Variants in MTUS2 observed in about 807,000 individuals in gnomAD.
The protein encoded by MTUS2 is microtubule associated scaffold protein 2, also known as microtubule-associated tumor suppressor candidate 2.
In MTUS2, 40 loss-of-function variants were observed where a neutral mutation model predicts 114.1. The observed-to-expected ratio is 0.35, with a 90% CI of 0.27 to 0.46. MTUS2 has a LOEUF of 0.46. Among genes scored for constraint, MTUS2 ranks in the 20% least tolerant of loss-of-function variants. The pLI, the probability that MTUS2 is intolerant of heterozygous loss-of-function variation, is 1.00. For missense variants in MTUS2, 1,679 were observed against 1,705.4 expected, an observed-to-expected ratio of 0.98 and a Z score of 0.27; for synonymous variants, 688 against 672.0, an observed-to-expected ratio of 1.02 and a Z score of -0.37.
chr13:29,039,007 G>T (rs1336431952), intron 4 of MTUS2, among the ~76,000 whole-genome samples: 2 of 152,220 alleles, frequency 1.3e-5, no homozygotes, highest in Non-Finnish European at 2.9e-5. Flanking sequence ...AGGAGTGGTG[G>T]GCTGTTGGGA....
intron 5 of MTUS2, among the ~76,000 whole-genome samples, chr13:29,277,995 G>A (rs777438083): frequency 2.6e-5 from 4 of 152,076 alleles, no homozygotes; most frequent in South Asian, 4.2e-4. Context: ...GTTGTTTATG[G>A]GTCTGCCCCA....
At chr13:29,276,999 C>T (rs970321601) in intron 5 of MTUS2, among the ~76,000 whole-genome samples, 5 of 152,094 alleles carry the variant, frequency 3.3e-5, no homozygotes, top group South Asian at 2.1e-4. Flanking sequence ...CTGGAAATGC[C>T]TCTTCTCCCT....
At chr13:29,044,299 C>A (rs1231510498) in intron 4 of MTUS2, among the ~76,000 whole-genome samples, 3 of 150,536 alleles carry the variant, frequency 2.0e-5, no homozygotes, top group East Asian at 3.9e-4. Context: ...AGTGGAAAAT[C>A]TACTGTTCTT....
intron 7 of MTUS2, among the ~76,000 whole-genome samples, chr13:29,351,370 T>C (rs964512234): frequency 1.2e-4 from 19 of 152,130 alleles, no homozygotes; most frequent in Non-Finnish European, 2.2e-4. Context: ...TGGCAGGAAC[T>C]ATATTTTCTG....
chr13:29,108,895 A>G (rs1247417656), intron 5 of MTUS2, among the ~76,000 whole-genome samples: 1 of 152,146 alleles, frequency 6.6e-6, no homozygotes, highest in Non-Finnish European at 1.5e-5. Context: ...CTTATAAAAT[A>G]CTCCACCAAA....
chr13:29,318,058 AG>A (rs1302533658), intron 6 of MTUS2, among the ~76,000 whole-genome samples: 1 of 152,202 alleles, frequency 6.6e-6, no homozygotes, highest in Non-Finnish European at 1.5e-5. Context: ...CTGTGGGGCC[AG>A]GGCAGGGTCA....
chr13:29,495,353 G>A (rs1458494884), intron 12 of MTUS2, among the ~76,000 whole-genome samples: 2 of 74,748 alleles, frequency 2.7e-5, no homozygotes, highest in East Asian at 8.4e-4. Context: ...GTGAGTCTTT[G>A]TCAAAAAAAA....
At chr13:29,374,673 G>A (rs1427330692) in intron 8 of MTUS2, among the ~76,000 whole-genome samples, 3 of 152,170 alleles carry the variant, frequency 2.0e-5, no homozygotes, top group Non-Finnish European at 2.9e-5. Flanking sequence ...CAAGGTGGGT[G>A]GATCACCTGA....
intron 9 of MTUS2, among the ~76,000 whole-genome samples, chr13:29,456,019 A>G (rs1879084393): frequency 6.6e-6 from 1 of 152,182 alleles, no homozygotes; most frequent in Non-Finnish European, 1.5e-5. Flanking sequence ...AAAAAGAGAA[A>G]GAAATGGGTA....
At chr13:29,301,418 C>CT (rs1355233494) in intron 6 of MTUS2, among the ~76,000 whole-genome samples, 1 of 152,166 alleles carries the variant, frequency 6.6e-6, no homozygotes, top group South Asian at 2.1e-4. Context: ...GTTGTAGACT[C>CT]TTTTTTAAAG....
chr13:29,195,438 G>A (rs1894647083), intron 5 of MTUS2, among the ~76,000 whole-genome samples: 1 of 145,760 alleles, frequency 6.9e-6, no homozygotes, highest in Non-Finnish European at 1.5e-5. Flanking sequence ...TATTTTCGTA[G>A]TTATGTGTTT....
chr13:28,851,649 A>T (rs1876277704), intron 2 of MTUS2, among the ~76,000 whole-genome samples: 2 of 152,342 alleles, frequency 1.3e-5, no homozygotes, highest in South Asian at 4.1e-4. Context: ...AAGCACGCAC[A>T]GTTCCAGAGG....
At chr13:29,367,990 C>T (rs9508416) in intron 8 of MTUS2, among the ~76,000 whole-genome samples, 28,637 of 146,756 alleles carry the variant, frequency 0.2, 2,998 homozygotes, top group Middle Eastern at 0.26. Flanking sequence ...CCAGGCTGGA[C>T]GGCAGTGGCG....
chr13:29,410,697 T>C (rs1875162460), intron 8 of MTUS2, among the ~76,000 whole-genome samples: 1 of 152,228 alleles, frequency 6.6e-6, no homozygotes, highest in African/African-American at 2.4e-5. Context: ...TTTTTGACTA[T>C]GTCTATGGTA....
chr13:28,982,641 T>G (rs1884411248), intron 2 of MTUS2, among the ~76,000 whole-genome samples: 1 of 152,238 alleles, frequency 6.6e-6, no homozygotes, highest in South Asian at 2.1e-4. Context: ...GACACTTGGA[T>G]GAATGGATAA....
At chr13:29,267,790 G>A (rs1272827254) in intron 5 of MTUS2, among the ~76,000 whole-genome samples, 2 of 152,140 alleles carry the variant, frequency 1.3e-5, no homozygotes, top group Non-Finnish European at 2.9e-5. Context: ...GCCTGCATCC[G>A]AGGGTTGTGG....
chr13:29,311,288 A>T (rs764766938), intron 6 of MTUS2, among the ~76,000 whole-genome samples: 18 of 152,214 alleles, frequency 1.2e-4, no homozygotes, highest in Non-Finnish European at 2.5e-4. Context: ...GAGACCTGAC[A>T]TCCCTCTGGC....
intron 2 of MTUS2, among the ~76,000 whole-genome samples, chr13:28,890,372 A>G (rs1176308129): frequency 3.9e-5 from 6 of 152,166 alleles, no homozygotes; most frequent in African/African-American, 1.4e-4. Context: ...ATAATGTTGC[A>G]GCTAGGACTC....
rs145618739 is a variant in MTUS2, at chr13:28,968,173, A to G, written c.-242-56284A>G. On this transcript the variant is annotated intron_variant, in intron 2 of 15. Coordinates refer to ENST00000612955, the MANE Select transcript of MTUS2 (RefSeq NM_001033602.4). ...GGTATCATTGTGTCTCATTTTTTTC[A>G]TAAAAGTTAGTTTTAAAAATTTATT... Among the ~76,000 whole-genome samples, 451 of 152,246 alleles carry G rather than the reference A, an allele frequency of 3.0e-3. 2 individuals are homozygous for G. The highest frequency in any genetic ancestry group is 5.0e-3 in the South Asian group (24 of 4,824).
Sources: allele counts gnomAD v4.1 joint callset (sites outside exome capture counted in the v4.1 genomes callset), GRCh38; gene constraint gnomAD v4.1.1; transcripts MANE v1.5; gene names NCBI Gene and HGNC (gene_info 2026-07-23, HGNC 2026-07-21).